CPZ: variants seen among roughly 807,000 people sequenced by gnomAD.
The protein encoded by CPZ is VEZT/CPZ fusion.
CPZ carries 103 observed loss-of-function variants against 61.8 expected under a neutral mutation model. The ratio of observed to expected loss-of-function variants is 1.67; its 90% CI spans 1.42 to 1.96. The LOEUF is 1.96. Among genes scored for constraint, CPZ ranks in the 30% most tolerant of loss-of-function variants. CPZ has a pLI of 0.00. For synonymous variants in CPZ, 551 were observed against 373.7 expected, an observed-to-expected ratio of 1.47 and a Z score of -5.47; for missense variants, 1,461 against 914.9, an observed-to-expected ratio of 1.60 and a Z score of -7.70.
chr4:8,599,712 C>T (rs763640877), intron 2 of CPZ: 255 of 1,151,444 alleles, frequency 2.2e-4, no homozygotes, highest in Non-Finnish European at 2.9e-4. Context: ...GCTATGCCCA[C>T]CCCAGCCCCT....
chr4:8,594,306 C>T (rs139357328), intron 1 of CPZ, among the ~76,000 whole-genome samples: 1,761 of 152,316 alleles, frequency 0.012, 24 homozygotes, highest in Middle Eastern at 0.041. Flanking sequence ...TCCCCCACCC[C>T]GGGCTGCCAT....
intron 8 of CPZ, 36 bp downstream of exon 8, chr4:8,612,198 G>C (rs748653002): frequency 2.0e-5 from 7 of 343,444 alleles, no homozygotes; most frequent in South Asian, 4.9e-5. Context: ...GGCGGGGGGT[G>C]GGGGGTGCAG....
chr4:8,618,668 G>A lies in CPZ; in HGVS notation c.1603+140G>A, dbSNP rs113855221. 0.015 allele frequency: 11,375 copies of A among 764,092 alleles called. 128 individuals are homozygous for A. Among genetic ancestry groups the A allele is most frequent in the African/African-American group, 0.032 (1,873 of 57,790 alleles). 47.3% of individuals were successfully genotyped at this position (764,092 alleles called of 1,614,324 possible). ...CATTCCTCCCCAGGCTGGCTGGGTC[G>A]GGGAGGGTGGGCAGGAACCAGGGTC... is the stretch of plus-strand genomic sequence containing the variant. On this transcript the variant is annotated intron_variant, in intron 10 of 10. Transcript: ENST00000360986.
intron 7 of CPZ, among the ~76,000 whole-genome samples, chr4:8,608,286 C>T (rs1012037611): frequency 1.3e-5 from 2 of 152,262 alleles, no homozygotes; most frequent in East Asian, 3.9e-4. Context: ...GCGTGGAGAG[C>T]CAGGCCTGCC....
At chr4:8,617,825 T>C (rs1387692388) in intron 9 of CPZ, among the ~76,000 whole-genome samples, 1 of 152,122 alleles carries the variant, frequency 6.6e-6, no homozygotes, top group East Asian at 1.9e-4. Flanking sequence ...TTACAAGAAA[T>C]GTGGACAGGA....
At chr4:8,611,148 C>CCTCCTTT in intron 7 of CPZ, 1 of 439,040 alleles carries the variant, frequency 2.3e-6, no homozygotes, top group Non-Finnish European at 4.7e-6. Flanking sequence ...GTCCTCCACT[C>CCTCCTTT]CTCCTTTCTG....
At chr4:8,593,465 C>T (rs1713949801) in intron 1 of CPZ, among the ~76,000 whole-genome samples, 1 of 152,170 alleles carries the variant, frequency 6.6e-6, no homozygotes, top group South Asian at 2.1e-4. Context: ...CGCAGGGATC[C>T]TCTGGGAGGT....
chr4:8,609,170 A>AGGCATTCACTCACT (rs1553877652), intron 7 of CPZ, among the ~76,000 whole-genome samples: 40 of 11,520 alleles, frequency 3.5e-3, no homozygotes, highest in Admixed American at 0.016. Flanking sequence ...TCATTCACTC[A>AGGCATTCACTCACT]CCCATTCACT....
chr4:8,613,256 C>T (rs78355548), intron 8 of CPZ, among the ~76,000 whole-genome samples: 35 of 151,714 alleles, frequency 2.3e-4, no homozygotes, highest in African/African-American at 7.3e-4. Context: ...CTCAGCCTCC[C>T]GAGTAGCTGG....
chr4:8,608,869 G>C (rs907326358), intron 7 of CPZ, among the ~76,000 whole-genome samples: 23 of 152,312 alleles, frequency 1.5e-4, no homozygotes, highest in African/African-American at 5.5e-4. Flanking sequence ...GGCCCATGCC[G>C]AGTGCTGTGG....
rs1411209507 is a variant in CPZ, at chr4:8,604,182, G to A, written c.703G>A (p.Glu235Lys). 7 of 1,550,432 alleles carry A rather than the reference G, an allele frequency of 4.5e-6. No homozygotes were observed. Among genetic ancestry groups the A allele is most frequent in the East Asian group, 2.4e-5 (1 of 41,498 alleles). ...IEFSSRPGQH[E>K]LMEPEVKLIG... The stretch of plus-strand genomic sequence containing the variant: ...GTTCTCCAGCCGCCCCGGCCAGCAC[G>A]AGCTGAGTGAGTGCCCTTGGGAGAG... Residue 235 changes from glutamate (E) to lysine (K), a missense_variant, in exon 4 of 11, where the codon GAG becomes AAG. Coordinates refer to ENST00000360986, the MANE Select transcript of CPZ (RefSeq NM_001014447.3).
At chr4:8,613,285 C>A (rs1345841592) in intron 8 of CPZ, among the ~76,000 whole-genome samples, 2 of 152,182 alleles carry the variant, frequency 1.3e-5, no homozygotes, top group South Asian at 2.1e-4. Flanking sequence ...GCGCCCACCA[C>A]CACACCCAGC....
At position 8,619,588 on chromosome 4, in the gene CPZ, C is replaced by T. The variant is rs1484525390; in HGVS notation, c.1930C>T (p.His644Tyr). 1.3e-6 allele frequency: 2 copies of T among 1,517,498 alleles called. No individual in the cohort carries two copies. The highest frequency in any genetic ancestry group is 2.2e-5 in the Admixed American group (1 of 46,386). The allele number at this position is 1,517,498 out of a possible 1,614,324, so 94.0% of individuals were successfully genotyped here. A position where few individuals can be genotyped will look rare whatever the true frequency, so the allele number is the denominator to read the frequency against. The change falls in exon 11 of 11, where the codon CAC becomes TAC. Residue 644 changes from histidine (H) to tyrosine (Y), a missense_variant. Transcript: ENST00000360986. Reference sequence around the variant, plus strand: ...GTCCTACTTCACATCGCTGAGCACCCACAGGCCACGCTGGCTGCTCAAGTA... The same window carrying T: ...GTCCTACTTCACATCGCTGAGCACCTACAGGCCACGCTGGCTGCTCAAGTA... Reference protein sequence around the residue: ...WWSYFTSLSTHRPRWLLKY With the variant: ...WWSYFTSLSTYRPRWLLKY
At chr4:8,616,573 G>A (rs1042757060) in intron 9 of CPZ, among the ~76,000 whole-genome samples, 2 of 152,168 alleles carry the variant, frequency 1.3e-5, no homozygotes, top group Non-Finnish European at 2.9e-5. Context: ...CCTGGAGGAG[G>A]AGGAGTGTGA....
At chr4:8,608,925 G>A (rs1241186536) in intron 7 of CPZ, among the ~76,000 whole-genome samples, 1 of 152,070 alleles carries the variant, frequency 6.6e-6, no homozygotes, top group Non-Finnish European at 1.5e-5. Flanking sequence ...GCAGACCAGG[G>A]GCAGTGACAG....
intron 9 of CPZ, among the ~76,000 whole-genome samples, chr4:8,616,225 C>T (rs978266097): frequency 6.6e-5 from 10 of 152,172 alleles, no homozygotes; most frequent in Non-Finnish European, 1.0e-4. Flanking sequence ...CCAATTGAGG[C>T]TTTTTTCAAA....
rs955767615 is a variant in CPZ, at chr4:8,619,433, T to C, written c.1775T>C (p.Ile592Thr). ...CTGGGGATGGGACCCAAGAACTTTA[T>C]TCATGGGCTGCGGAGGACTGGGCCC... ...QPLGMGPKNF[I>T]HGLRRTGPHD... The change falls in exon 11 of 11, where the codon ATT becomes ACT. Residue 592 changes from isoleucine (I) to threonine (T), a missense_variant. Transcript: ENST00000360986. 6.2e-7 allele frequency: 1 copy of C among 1,613,948 alleles called. No homozygotes were observed. Among genetic ancestry groups the C allele is most frequent in the Non-Finnish European group, 8.5e-7 (1 of 1,179,918 alleles).
intron 1 of CPZ, among the ~76,000 whole-genome samples, chr4:8,598,194 C>T (rs76527899): frequency 0.085 from 12,891 of 152,276 alleles, 618 homozygotes; most frequent in South Asian, 0.12. Context: ...CGTCCCCATC[C>T]CACAAGAGCT....
intron 7 of CPZ, among the ~76,000 whole-genome samples, chr4:8,609,703 G>A (rs1181911710): frequency 6.6e-6 from 1 of 152,226 alleles, no homozygotes; most frequent in Admixed American, 6.5e-5. Flanking sequence ...AGAACCAGAT[G>A]TGAGAAGACG....
Sources: gnomAD v4.1 joint callset for allele counts (sites outside exome capture counted in the v4.1 genomes callset) on GRCh38, gnomAD v4.1.1 for gene constraint, MANE v1.5 for transcripts, NCBI Gene and HGNC (gene_info 2026-07-23, HGNC 2026-07-21) for gene names.